The following RAPGEF5 variants were observed in gnomAD, a reference collection of about 807,000 sequenced individuals.
The protein encoded by RAPGEF5 is Rap guanine nucleotide exchange factor 5, also known as M-Ras-regulated GEF.
In RAPGEF5, 65 loss-of-function variants were observed where a neutral mutation model predicts 125.2. The ratio of observed to expected loss-of-function variants is 0.52; its 90% CI spans 0.43 to 0.64. RAPGEF5 has a LOEUF of 0.64. Ranked by LOEUF, RAPGEF5 falls within the 30% of genes least tolerant of loss-of-function variation. The pLI is 0.00. For synonymous variants in RAPGEF5, 391 were observed against 385.9 expected (o/e 1.01, Z -0.16); for missense variants, 958 against 1,048.1 (o/e 0.91, Z 1.19).
chr7:22,240,711 T>C (rs753276749), intron 7 of RAPGEF5, among the ~76,000 whole-genome samples: 2 of 152,124 alleles, frequency 1.3e-5, no homozygotes, highest in Non-Finnish European at 2.9e-5. Context: ...TGTTGTGTTC[T>C]AGTGACAATA....
chr7:22,193,738 G>A (rs770288750), intron 10 of RAPGEF5, 177 bp downstream of exon 10: 2 of 1,558,928 alleles, frequency 1.3e-6, no homozygotes, highest in African/African-American at 1.4e-5. Context: ...TGGGAACTGA[G>A]TCCATCTGGC....
chr7:22,217,538 CA>C (rs1353972548), intron 9 of RAPGEF5, among the ~76,000 whole-genome samples: 1 of 152,044 alleles, frequency 6.6e-6, no homozygotes, highest in Admixed American at 6.6e-5. Context: ...CATCTAGTAC[CA>C]AATAATTCAT....
At chr7:22,309,289 C>T (rs1397364969) in intron 4 of RAPGEF5, among the ~76,000 whole-genome samples, 3 of 152,188 alleles carry the variant, frequency 2.0e-5, no homozygotes, top group African/African-American at 4.8e-5. Flanking sequence ...ATTACACCCA[C>T]GTCCATATCT....
At chr7:22,291,716 G>C (rs1397897039) in intron 5 of RAPGEF5, among the ~76,000 whole-genome samples, 4 of 152,148 alleles carry the variant, frequency 2.6e-5, no homozygotes, top group Non-Finnish European at 5.9e-5. Flanking sequence ...ACCACTATGG[G>C]AATTATGAGG....
chr7:22,193,242 G>T, intron 11 of RAPGEF5, 125 bp downstream of exon 11: 4 of 1,043,750 alleles, frequency 3.8e-6, no homozygotes, highest in Non-Finnish European at 5.5e-6. Flanking sequence ...GGGACGAGTC[G>T]CACAAAGCAT....
intron 16 of RAPGEF5, among the ~76,000 whole-genome samples, chr7:22,156,285 G>A (rs926185723): frequency 2.6e-5 from 4 of 152,184 alleles, no homozygotes; most frequent in South Asian, 2.1e-4. Context: ...CTTATTTCAC[G>A]CAAATAAGCA....
chr7:22,225,700 C>T (rs575649931), intron 8 of RAPGEF5, among the ~76,000 whole-genome samples: 14 of 152,260 alleles, frequency 9.2e-5, no homozygotes, highest in African/African-American at 3.4e-4. Context: ...ACTTTCACAT[C>T]CCTGGTCTAT....
At position 22,193,899 on chromosome 7, in the gene RAPGEF5, G is replaced by T; in HGVS notation, c.1115+16C>A. The T allele has an allele frequency of 1.9e-6, 3 of 1,612,990 alleles. No homozygotes were observed. Among genetic ancestry groups the T allele is most frequent in the Non-Finnish European group, 8.5e-7 (1 of 1,179,364 alleles). On this transcript the variant is annotated intron_variant, in intron 10 of 25. Coordinates refer to ENST00000665637, the MANE Select transcript of RAPGEF5 (RefSeq NM_012294.5). ...AACGGGAGCGCGTGCCTCTGTGGCT[G>T]CAGGGAAACTCTCACCTCCAATGGC...
chr7:22,304,200 T>C (rs10242851), intron 5 of RAPGEF5, among the ~76,000 whole-genome samples: 37,654 of 152,068 alleles, frequency 0.25, 4,756 homozygotes, highest in Non-Finnish European at 0.26. Context: ...ATATACTGTC[T>C]CTCTCTAGAA....
intron 1 of RAPGEF5, among the ~76,000 whole-genome samples, chr7:22,348,246 T>A (rs1440611598): frequency 6.6e-6 from 1 of 152,190 alleles, no homozygotes; most frequent in Non-Finnish European, 1.5e-5. Context: ...ACAAAAACAA[T>A]TAAGAGTAAT....
At chr7:22,329,226 T>C (rs1183824242) in intron 1 of RAPGEF5, among the ~76,000 whole-genome samples, 1 of 152,220 alleles carries the variant, frequency 6.6e-6, no homozygotes, top group African/African-American at 2.4e-5. Flanking sequence ...TCTTCTTTTA[T>C]TCAGCTAAGC....
intron 1 of RAPGEF5, among the ~76,000 whole-genome samples, chr7:22,318,544 T>G (rs1783649129): frequency 1.3e-5 from 2 of 152,316 alleles, no homozygotes; most frequent in South Asian, 4.1e-4. Flanking sequence ...AGTTAATCCA[T>G]GCCCCCTCAG....
chr7:22,186,101 A>C (rs1313424205), intron 11 of RAPGEF5, among the ~76,000 whole-genome samples: 1 of 152,126 alleles, frequency 6.6e-6, no homozygotes, highest in African/African-American at 2.4e-5. Context: ...GCTTAATCTA[A>C]GATTTTGAAG....
chr7:22,189,778 CA>C (rs1326128701), intron 11 of RAPGEF5, among the ~76,000 whole-genome samples: 2 of 152,086 alleles, frequency 1.3e-5, no homozygotes, highest in Non-Finnish European at 2.9e-5. Flanking sequence ...AACTATCAGA[CA>C]AAAGAAGAAA....
chr7:22,192,078 ATGATTACATT>A (rs1785013541), intron 11 of RAPGEF5: 1 of 161,886 alleles, frequency 6.2e-6, no homozygotes, highest in African/African-American at 2.4e-5. Context: ...ACCTTCCATG[ATGATTACATT>A]TGATGAAGCA....
At position 22,130,991 on chromosome 7, in the gene RAPGEF5, C is replaced by T. The variant is rs745906858; in HGVS notation, c.2481+46G>A. On this transcript the variant is annotated intron_variant, in intron 24 of 25. Transcript: ENST00000665637. Reference sequence around the variant, plus strand: ...TCCTAGAGCAGGAAAGAAAGGCATACATTTCTGTTACTGTAAAAAAGGGAG... The same window carrying T: ...TCCTAGAGCAGGAAAGAAAGGCATATATTTCTGTTACTGTAAAAAAGGGAG... 18 of 1,532,272 alleles carry T rather than the reference C, an allele frequency of 1.2e-5. No homozygotes were observed. The South Asian group carries it at 2.0e-4, about 17-fold the overall frequency. 94.9% of individuals were successfully genotyped at this position (1,532,272 alleles called of 1,614,324 possible).
intron 8 of RAPGEF5, among the ~76,000 whole-genome samples, chr7:22,220,953 C>G (rs1182119078): frequency 6.6e-6 from 1 of 152,172 alleles, no homozygotes; most frequent in Non-Finnish European, 1.5e-5. Flanking sequence ...ATCCAAACTT[C>G]ATGATCTTAA....
At chr7:22,227,029 A>G (rs927706633) in intron 8 of RAPGEF5, among the ~76,000 whole-genome samples, 16 of 151,712 alleles carry the variant, frequency 1.1e-4, no homozygotes, top group Non-Finnish European at 2.1e-4. Context: ...ATAAATTTAC[A>G]TAATATATAG....
intron 7 of RAPGEF5, among the ~76,000 whole-genome samples, chr7:22,252,483 C>G (rs1188661292): frequency 6.6e-6 from 1 of 152,168 alleles, no homozygotes; most frequent in African/African-American, 2.4e-5. Context: ...CTTGGCAAAT[C>G]TGTTTCATTT....
Sources: gnomAD v4.1 joint callset for allele counts (sites outside exome capture counted in the v4.1 genomes callset) on GRCh38, gnomAD v4.1.1 for gene constraint, MANE v1.5 for transcripts, NCBI Gene and HGNC (gene_info 2026-07-23, HGNC 2026-07-21) for gene names.